Variants in PTPRD observed in about 807,000 individuals in gnomAD.
PTPRD encodes the protein receptor-type tyrosine-protein phosphatase delta.
In PTPRD, 34 loss-of-function variants were observed where a neutral mutation model predicts 214.5. That is an observed-to-expected ratio of 0.16 (90% CI 0.12 to 0.21). The LOEUF is 0.21. Among genes scored for constraint, PTPRD ranks in the 10% least tolerant of loss-of-function variants. The probability of loss-of-function intolerance (pLI) is 1.00; values close to 1 mark genes in which losing one functional copy is unlikely to be tolerated. For missense variants in PTPRD, 2,545 were observed against 2,398.7 expected, an observed-to-expected ratio of 1.06 and a Z score of -1.27; for synonymous variants, 1,128 against 845.7, an observed-to-expected ratio of 1.33 and a Z score of -5.79.
intron 2 of PTPRD, among the ~76,000 whole-genome samples, chr9:10,398,737 G>A (rs990634215): frequency 1.3e-5 from 2 of 151,840 alleles, no homozygotes; most frequent in South Asian, 2.1e-4. Flanking sequence ...TAAAAATGGC[G>A]GCCACGTATG....
intron 9 of PTPRD, among the ~76,000 whole-genome samples, chr9:9,236,874 T>C (rs924393719): frequency 1.3e-5 from 2 of 152,084 alleles, no homozygotes; most frequent in African/African-American, 4.8e-5. Context: ...CAATGTGTTG[T>C]CTAAGCTTTT....
intron 5 of PTPRD, among the ~76,000 whole-genome samples, chr9:9,816,097 A>C (rs2153558717): frequency 6.6e-6 from 1 of 152,304 alleles, no homozygotes; most frequent in South Asian, 2.1e-4. Context: ...CACCTATCAT[A>C]TCACCATATA....
intron 5 of PTPRD, among the ~76,000 whole-genome samples, chr9:9,853,987 C>T (rs764020688): frequency 6.6e-5 from 10 of 152,114 alleles, no homozygotes; most frequent in Non-Finnish European, 1.5e-4. Flanking sequence ...AAACATTTAT[C>T]ATTTCTTTGT....
chr9:9,211,869 G>A (rs1029980207), intron 9 of PTPRD, among the ~76,000 whole-genome samples: 4 of 151,570 alleles, frequency 2.6e-5, no homozygotes, highest in African/African-American at 7.3e-5. Context: ...ACTTAGCCCA[G>A]GTTACACAAC....
At chr9:9,935,708 C>A (rs1287522547) in intron 5 of PTPRD, among the ~76,000 whole-genome samples, 4 of 142,468 alleles carry the variant, frequency 2.8e-5, no homozygotes, top group Non-Finnish European at 4.4e-5. Context: ...ACTTTCTTCA[C>A]AGAATTGGAA....
Position 9,052,216 on chromosome 9 carries a change from C to A in PTPRD, c.-142-33481G>T, listed in dbSNP as rs77662352. ...AGGGTCTATTTTATTAGGATACAAT[C>A]CATTCATGAGGGTTCTGCCCTTATT... On this transcript the variant is annotated intron_variant, in intron 10 of 45. Transcript: ENST00000381196. Among the ~76,000 whole-genome samples, 424 of 152,248 alleles carry A rather than the reference C, an allele frequency of 2.8e-3. 3 individuals are homozygous for A. Among genetic ancestry groups the A allele is most frequent in the East Asian group, 0.023 (121 of 5,174 alleles).
intron 3 of PTPRD, among the ~76,000 whole-genome samples, chr9:10,323,915 A>C (rs1048944187): frequency 2.0e-5 from 3 of 152,070 alleles, no homozygotes; most frequent in Non-Finnish European, 4.4e-5. Context: ...AGAATAGAAG[A>C]GCACTTGTTC....
In PTPRD at chr9:8,550,115, A is replaced by G. The variant is rs137917079; in HGVS notation, c.353-21336T>C. ...TTTAGTTTTTACTGTATTCCCCAAG[A>G]ATTTGAAAAATTTAGGGTCCAATTT... On this transcript the variant is annotated intron_variant, in intron 14 of 45. Coordinates refer to ENST00000381196, the MANE Select transcript of PTPRD (RefSeq NM_002839.4). Among the ~76,000 whole-genome samples the G allele has an allele frequency of 3.9e-3, 599 of 152,322 alleles. 4 individuals carry two copies. Among genetic ancestry groups the G allele is most frequent in the African/African-American group, 0.013 (544 of 41,564 alleles).
intron 9 of PTPRD, among the ~76,000 whole-genome samples, chr9:9,355,159 T>A (rs2053258413): frequency 6.6e-6 from 1 of 151,744 alleles, no homozygotes; most frequent in Non-Finnish European, 1.5e-5. Flanking sequence ...ATCCAGGTAA[T>A]AAAGTTATCT....
At position 8,319,536 on chromosome 9, in the gene PTPRD, A is replaced by G. The variant is rs555571039; in HGVS notation, c.5670+295T>C. 5.5e-4 allele frequency among the ~76,000 whole-genome samples: 83 copies of G among 152,096 alleles called. No individual in the cohort carries two copies. The Middle Eastern group carries it at 0.01, about 19-fold the overall frequency. ...ATTTATATATTTATATTATAGGACT[A>G]TGAATATAACGAATTTTATGAAATT... is the stretch of plus-strand genomic sequence containing the variant. On this transcript the variant is annotated intron_variant, in intron 45 of 45. Coordinates refer to ENST00000381196, the MANE Select transcript of PTPRD (RefSeq NM_002839.4).
At chr9:10,604,229 G>A (rs983295347) in intron 2 of PTPRD, among the ~76,000 whole-genome samples, 5 of 151,712 alleles carry the variant, frequency 3.3e-5, no homozygotes, top group Non-Finnish European at 5.9e-5. Flanking sequence ...AGCAGCATTT[G>A]ATTCACACCA....
At chr9:10,580,527 T>C (rs1190079611) in intron 2 of PTPRD, among the ~76,000 whole-genome samples, 2 of 152,224 alleles carry the variant, frequency 1.3e-5, no homozygotes, top group Non-Finnish European at 2.9e-5. Context: ...TTAATATCAA[T>C]TATTTCAATC....
chr9:9,657,427 G>A (rs1490905711), intron 7 of PTPRD, among the ~76,000 whole-genome samples: 1 of 152,126 alleles, frequency 6.6e-6, no homozygotes, highest in Non-Finnish European at 1.5e-5. Context: ...ACAGGGAGGA[G>A]AACATCACAC....
In PTPRD at chr9:8,646,061, G is replaced by GA. The variant is rs777090202; in HGVS notation, c.65-9218dup. 7.0e-3 allele frequency among the ~76,000 whole-genome samples: 832 copies of GA among 118,850 alleles called. 7 individuals carry two copies. Among genetic ancestry groups the GA allele is most frequent in the South Asian group, 0.019 (64 of 3,452 alleles). The allele number at this position is 118,850 out of a possible 152,430, so 78.0% of individuals were successfully genotyped here. A position where few individuals can be genotyped will look rare whatever the true frequency, so the allele number is the denominator to read the frequency against. On this transcript the variant is annotated intron_variant, in intron 12 of 45. Coordinates refer to ENST00000381196, the MANE Select transcript of PTPRD (RefSeq NM_002839.4). ...TTAGAATCACCTGGGAGTCCTAAAAGAAAAAAAAAAAAAATGAAAGCTACA... is the reference window on the plus strand; with the variant it reads ...TTAGAATCACCTGGGAGTCCTAAAAGAAAAAAAAAAAAAAATGAAAGCTACA...
intron 39 of PTPRD, among the ~76,000 whole-genome samples, chr9:8,365,000 G>C (rs4086942): frequency 0.039 from 6,004 of 152,054 alleles, 420 homozygotes; most frequent in African/African-American, 0.14. Context: ...AAATTGATTT[G>C]AACAAAATTT....
intron 17 of PTPRD, chr9:8,525,264 C>A (rs2073796482): frequency 6.2e-6 from 4 of 648,526 alleles, no homozygotes; most frequent in Non-Finnish European, 1.1e-5. Context: ...ATCAATATCT[C>A]TTTTCCCAAG....
intron 21 of PTPRD, among the ~76,000 whole-genome samples, chr9:8,516,112 G>A (rs367998362): frequency 2.6e-5 from 4 of 152,274 alleles, no homozygotes; most frequent in African/African-American, 9.6e-5. Context: ...TAATTGTTAT[G>A]TAGCTGCTAA....
Position 10,552,800 on chromosome 9 carries a change from G to C in PTPRD, c.-600+59598C>G, listed in dbSNP as rs1317009157. ...AAAAACTCACATTGGATAAGCAACA[G>C]GATCTTCACATGGCAACAGCACAGG... On this transcript the variant is annotated intron_variant, in intron 2 of 45. Coordinates refer to ENST00000381196, the MANE Select transcript of PTPRD (RefSeq NM_002839.4). Among the ~76,000 whole-genome samples, 4 of 152,190 alleles carry C rather than the reference G, an allele frequency of 2.6e-5. No homozygotes were observed. In the South Asian group the frequency reaches 8.3e-4, roughly 32 times the overall value.
At chr9:9,253,246 G>T (rs114526789) in intron 9 of PTPRD, among the ~76,000 whole-genome samples, 3,359 of 151,698 alleles carry the variant, frequency 0.022, 134 homozygotes, top group African/African-American at 0.078. Context: ...TATTTTTTTG[G>T]CTAAAAATCT....
Sources: gnomAD v4.1 joint callset for allele counts (sites outside exome capture counted in the v4.1 genomes callset) on GRCh38, gnomAD v4.1.1 for gene constraint, MANE v1.5 for transcripts, NCBI Gene and HGNC (gene_info 2026-07-23, HGNC 2026-07-21) for gene names.